Variants in TP63 observed in about 807,000 individuals in gnomAD.
TP63 encodes the protein tumor protein 63.
A neutral mutation model predicts 82.8 loss-of-function variants in TP63; 17 were observed. The ratio of observed to expected loss-of-function variants is 0.21; its 90% CI spans 0.14 to 0.31. The LOEUF (loss-of-function observed/expected upper bound fraction) is 0.31. Ranked by LOEUF, TP63 falls within the 10% of genes least tolerant of loss-of-function variation. The probability of loss-of-function intolerance (pLI) is 1.00; values close to 1 mark genes in which losing one functional copy is unlikely to be tolerated. For synonymous variants in TP63, 330 were observed against 321.7 expected, an observed-to-expected ratio of 1.03 and a Z score of -0.28; for missense variants, 648 against 895.3, an observed-to-expected ratio of 0.72 and a Z score of 3.52.
chr3:189,851,049 A>G (rs1466810292), intron 4 of TP63, among the ~76,000 whole-genome samples: 2 of 152,248 alleles, frequency 1.3e-5, no homozygotes, highest in African/African-American at 2.4e-5. Context: ...TCTTAGAAAT[A>G]TGAGGCTTCA....
At chr3:189,852,815 C>T (rs892601379) in intron 4 of TP63, among the ~76,000 whole-genome samples, 2 of 152,142 alleles carry the variant, frequency 1.3e-5, no homozygotes, top group Non-Finnish European at 2.9e-5. Flanking sequence ...GCCTTTCTAG[C>T]TCAGCCTCAT....
In TP63 at chr3:189,631,403, A is replaced by AT; in HGVS notation, c.-110dup. The AT allele has an allele frequency of 6.3e-7, 1 of 1,576,984 alleles. No individual in the cohort carries two copies. The highest frequency in any genetic ancestry group is 8.6e-7 in the Non-Finnish European group (1 of 1,163,030). On this transcript the variant is annotated 5_prime_UTR_variant, in exon 1 of 14. An upstream open reading frame in the 5' UTR loses its in-frame stop. Coordinates refer to ENST00000264731, the MANE Select transcript of TP63 (RefSeq NM_003722.5). ...TGCCTAAACTTCTATGTCTGATAGC[A>AT]TTTGACCCTATTGCTTTTAGCCTCC...
At chr3:189,873,039 G>T in intron 10 of TP63, 44 bp downstream of exon 10, 1 of 1,613,842 alleles carries the variant, frequency 6.2e-7, no homozygotes, top group South Asian at 1.1e-5. Flanking sequence ...GAGTGAGGGT[G>T]ACTTTATTTG....
chr3:189,813,272 A>G (rs957185528), intron 4 of TP63, among the ~76,000 whole-genome samples: 1 of 152,350 alleles, frequency 6.6e-6, no homozygotes, highest in Admixed American at 6.5e-5. Flanking sequence ...GTGAAAAACT[A>G]GATGGCATGT....
At chr3:189,839,040 T>TAAA (rs5855274) in intron 4 of TP63, among the ~76,000 whole-genome samples, 4 of 88,590 alleles carry the variant, frequency 4.5e-5, no homozygotes, top group East Asian at 3.8e-4. Flanking sequence ...TATCCTAAGC[T>TAAA]AAAAAAAAAA....
At chr3:189,655,375 A>G (rs1713255010) in intron 1 of TP63, among the ~76,000 whole-genome samples, 1 of 152,176 alleles carries the variant, frequency 6.6e-6, no homozygotes, top group South Asian at 2.1e-4. Context: ...CCCTAATCTC[A>G]GCACTTTGGG....
chr3:189,762,421 G>C (rs1722651942), intron 3 of TP63, among the ~76,000 whole-genome samples: 1 of 151,850 alleles, frequency 6.6e-6, no homozygotes, highest in African/African-American at 2.4e-5. Context: ...AGAGAAAAAA[G>C]GTCAGAGTTT....
In TP63 at chr3:189,687,281, A is replaced by T. The variant is rs1367141410; in HGVS notation, c.63-50459A>T. ...ACGGTACATAGTTTTGCTATTTTCT[A>T]GGTGAGTTTTCACATAAATGCAAAG... On this transcript the variant is annotated intron_variant, in intron 1 of 13. Coordinates refer to ENST00000264731, the MANE Select transcript of TP63 (RefSeq NM_003722.5). 3.3e-5 allele frequency among the ~76,000 whole-genome samples: 5 copies of T among 152,320 alleles called. No homozygotes were observed. In the East Asian group the frequency reaches 9.6e-4, roughly 29 times the overall value.
At chr3:189,623,588 A>G in the TP63 span, among the ~76,000 whole-genome samples, 60,302 of 152,058 alleles carry the variant, frequency 0.4, 13,237 homozygotes, top group Middle Eastern at 0.63. Context: ...TTGTTGATCA[A>G]CTTGTTACCA....
At chr3:189,835,952 A>G (rs77225346) in intron 4 of TP63, among the ~76,000 whole-genome samples, 2 of 131,874 alleles carry the variant, frequency 1.5e-5, no homozygotes, top group Non-Finnish European at 3.4e-5. Flanking sequence ...TAATAATAAT[A>G]ATAATAATAA....
At chr3:189,652,013 G>A (rs889814841) in intron 1 of TP63, among the ~76,000 whole-genome samples, 2 of 147,060 alleles carry the variant, frequency 1.4e-5, no homozygotes, top group African/African-American at 5.1e-5. Context: ...CCGAGCAGAA[G>A]TTTGCTGCAG....
chr3:189,850,431 A>C (rs1357122926), intron 4 of TP63, among the ~76,000 whole-genome samples: 2 of 152,216 alleles, frequency 1.3e-5, no homozygotes, highest in African/African-American at 4.8e-5. Flanking sequence ...ATATAAAGCA[A>C]AAAGTACTCC....
In TP63 at chr3:189,747,571, A is replaced by G. The variant is rs80098477; in HGVS notation, c.324+8797A>G. The stretch of plus-strand genomic sequence containing the variant: ...ACACAATGTATCAAAAATCTATGGG[A>G]TACAACAAAAGCAGTGTTAACAGGG... On this transcript the variant is annotated intron_variant, in intron 3 of 13. Coordinates refer to ENST00000264731, the MANE Select transcript of TP63 (RefSeq NM_003722.5). 2.1e-3 allele frequency among the ~76,000 whole-genome samples: 316 copies of G among 152,230 alleles called. 7 individuals are homozygous for G. The East Asian group carries it at 0.05, about 24-fold the overall frequency.
intron 1 of TP63, among the ~76,000 whole-genome samples, chr3:189,666,043 G>A (rs904437740): frequency 1.3e-5 from 2 of 151,914 alleles, no homozygotes; most frequent in Non-Finnish European, 2.9e-5. Context: ...AATAAATATA[G>A]TTTTCCTTAG....
At chr3:189,860,673 T>C (rs1399982444) in intron 4 of TP63, among the ~76,000 whole-genome samples, 1 of 152,212 alleles carries the variant, frequency 6.6e-6, no homozygotes, top group African/African-American at 2.4e-5. Flanking sequence ...TAGTCAAATA[T>C]GAAGCCCTCA....
At chr3:189,734,167 C>G (rs1374386685) in intron 1 of TP63, among the ~76,000 whole-genome samples, 1 of 106,422 alleles carries the variant, frequency 9.4e-6, no homozygotes, top group African/African-American at 4.0e-5. Flanking sequence ...TCCCTCCCTC[C>G]CTTCTTTTTT....
chr3:189,674,468 A>AGAAAAAAGT (rs1715209644), intron 1 of TP63, among the ~76,000 whole-genome samples: 2 of 152,282 alleles, frequency 1.3e-5, no homozygotes, highest in Admixed American at 6.5e-5. Flanking sequence ...AGACAGGGAC[A>AGAAAAAAGT]CAGAAGCGTC....
At chr3:189,695,773 AT>A (rs1409936882) in intron 1 of TP63, among the ~76,000 whole-genome samples, 1 of 152,126 alleles carries the variant, frequency 6.6e-6, no homozygotes, top group Non-Finnish European at 1.5e-5. Flanking sequence ...CATTTACTTA[AT>A]TGTTTTATCA....
intron 11 of TP63, among the ~76,000 whole-genome samples, chr3:189,887,099 C>G (rs1720526508): frequency 6.6e-6 from 1 of 151,654 alleles, no homozygotes. Context: ...ATCCCAGCTA[C>G]TCAGGAGGCT....
Sources: gnomAD v4.1 joint callset for allele counts (sites outside exome capture counted in the v4.1 genomes callset) on GRCh38, gnomAD v4.1.1 for gene constraint, MANE v1.5 for transcripts, NCBI Gene and HGNC (gene_info 2026-07-23, HGNC 2026-07-21) for gene names.